The following CACUL1 variants were observed in gnomAD, a reference collection of about 807,000 sequenced individuals.
CACUL1 encodes the protein CDK2 associated cullin domain 1, also known as CDK2-associated and cullin domain-containing protein 1.
In CACUL1, 13 loss-of-function variants were observed where a neutral mutation model predicts 45.2. The observed-to-expected ratio is 0.29, with a 90% CI of 0.19 to 0.46. The LOEUF (loss-of-function observed/expected upper bound fraction) is 0.46, where lower values mean the gene tolerates loss of function less well. Ranked by LOEUF, CACUL1 falls within the 20% of genes least tolerant of loss-of-function variation. The pLI is 1.00. For missense variants in CACUL1, 421 were observed against 471.4 expected (o/e 0.89, Z 0.99); for synonymous variants, 197 against 174.2 (o/e 1.13, Z -1.03).
intron 4 of CACUL1, among the ~76,000 whole-genome samples, chr10:118,706,373 G>A (rs891176070): frequency 6.6e-6 from 1 of 152,136 alleles, no homozygotes; most frequent in Non-Finnish European, 1.5e-5. Context: ...GCAAGAATAA[G>A]GAGTCGGCTC....
At chr10:118,718,530 A>G (rs1845568674) in intron 3 of CACUL1, among the ~76,000 whole-genome samples, 1 of 152,236 alleles carries the variant, frequency 6.6e-6, no homozygotes, top group Admixed American at 6.5e-5. Flanking sequence ...CACAGGAGCT[A>G]GACAAACACC....
chr10:118,725,505 A>G (rs1273668549), intron 3 of CACUL1, among the ~76,000 whole-genome samples: 1 of 152,154 alleles, frequency 6.6e-6, no homozygotes, highest in African/African-American at 2.4e-5. Flanking sequence ...TAAGGACGAG[A>G]AAAGAGCCTG....
At chr10:118,740,283 T>C (rs1033885312) in intron 1 of CACUL1, among the ~76,000 whole-genome samples, 7 of 152,206 alleles carry the variant, frequency 4.6e-5, no homozygotes, top group Admixed American at 2.6e-4. Context: ...AATATTTACA[T>C]AGCTATAATG....
chr10:118,702,813 C>T (rs1276935919), intron 4 of CACUL1, among the ~76,000 whole-genome samples: 1 of 152,096 alleles, frequency 6.6e-6, no homozygotes, highest in African/African-American at 2.4e-5. Context: ...AACTCCTGAC[C>T]TCAGGTGATC....
At chr10:118,725,877 T>C (rs950309482) in intron 3 of CACUL1, among the ~76,000 whole-genome samples, 10 of 152,256 alleles carry the variant, frequency 6.6e-5, no homozygotes, top group African/African-American at 2.4e-4. Context: ...CATTATTTTA[T>C]ATACTCTTCA....
chr10:118,754,517 C>T lies in CACUL1; in HGVS notation c.246G>A (p.Pro82=), dbSNP rs764380086. Residue 82 remains proline, a synonymous_variant, in exon 1 of 9, where the codon CCG becomes CCA. Coordinates refer to ENST00000369151, the MANE Select transcript of CACUL1 (RefSeq NM_153810.5). The part of the protein sequence containing the change: ...EGLPMGPQPP[P]EANGVIMMLK... ...ACATCATGATCACCCCATTAGCCTC[C>T]GGCGGTGGCTGCGGCCCCATCGGGA... is the stretch of plus-strand genomic sequence containing the variant. The T allele has an allele frequency of 1.9e-6, 3 of 1,613,084 alleles. No individual in the cohort carries two copies. Among genetic ancestry groups the T allele is most frequent in the Admixed American group, 3.3e-5 (2 of 59,962 alleles).
chr10:118,745,673 A>G (rs1845836866), intron 1 of CACUL1, among the ~76,000 whole-genome samples: 1 of 152,244 alleles, frequency 6.6e-6, no homozygotes, highest in African/African-American at 2.4e-5. Context: ...TGGTAACTAC[A>G]TTAAACACAA....
intron 5 of CACUL1, among the ~76,000 whole-genome samples, chr10:118,697,368 C>G (rs1845333222): frequency 6.6e-6 from 1 of 152,198 alleles, no homozygotes; most frequent in South Asian, 2.1e-4. Context: ...ATTCTGTACT[C>G]TACTTCACCA....
chr10:118,735,697 A>ATAT (rs1845734228), intron 1 of CACUL1, among the ~76,000 whole-genome samples: 1 of 152,216 alleles, frequency 6.6e-6, no homozygotes, highest in African/African-American at 2.4e-5. Context: ...ACAAAATGTT[A>ATAT]AAAAGGTAGC....
At chr10:118,692,826 C>T (rs914982194) in intron 6 of CACUL1, 21 of 152,188 alleles carry the variant, frequency 1.4e-4, no homozygotes, top group Admixed American at 1.2e-3. Flanking sequence ...GTTAATAAAA[C>T]GTCTAACAGG....
chr10:118,736,260 T>C (rs73423977), intron 1 of CACUL1, among the ~76,000 whole-genome samples: 22,254 of 151,780 alleles, frequency 0.15, 2,002 homozygotes, highest in African/African-American at 0.25. Flanking sequence ...GAAAATATTT[T>C]TGTATAGTTG....
chr10:118,720,915 G>GA (rs1378753759), intron 3 of CACUL1, among the ~76,000 whole-genome samples: 1 of 151,738 alleles, frequency 6.6e-6, no homozygotes, highest in African/African-American at 2.4e-5. Flanking sequence ...TAGTAGAGAG[G>GA]AAAAAAATAG....
intron 4 of CACUL1, among the ~76,000 whole-genome samples, chr10:118,706,717 A>G (rs1483645779): frequency 1.3e-5 from 2 of 152,256 alleles, no homozygotes; most frequent in Admixed American, 1.3e-4. Flanking sequence ...AATTGTTGTC[A>G]GTAACCAAGA....
rs1462363185 is a variant in CACUL1, at chr10:118,691,344, C to A, written c.946G>T (p.Ala316Ser). 1 of 1,612,398 alleles carries A rather than the reference C, an allele frequency of 6.2e-7. No individual in the cohort carries two copies. The highest frequency in any genetic ancestry group is 1.3e-5 in the African/African-American group (1 of 74,842). ...SKFIPNILPP[A>S]VESELSEYAA... ...TATTCAGAAAGTTCAGATTCCACCG[C>A]CGGAGGGAGAATGTTTGGAATAAAT... is the stretch of plus-strand genomic sequence containing the variant. The change falls in exon 7 of 9, where the codon GCG (alanine) becomes TCG (serine). Residue 316 changes from alanine to serine, a missense_variant. Coordinates refer to ENST00000369151, the MANE Select transcript of CACUL1 (RefSeq NM_153810.5).
At chr10:118,721,456 CTAA>C (rs1304489373) in intron 3 of CACUL1, among the ~76,000 whole-genome samples, 1 of 150,912 alleles carries the variant, frequency 6.6e-6, no homozygotes, top group Admixed American at 6.6e-5. Context: ...CAACATCACT[CTAA>C]TTTTATTAAA....
intron 6 of CACUL1, 147 bp downstream of exon 6, chr10:118,694,994 T>C: frequency 7.1e-6 from 4 of 562,050 alleles, no homozygotes; most frequent in South Asian, 6.5e-5. Flanking sequence ...TGAGTTTACA[T>C]TTCACAATGA....
intron 1 of CACUL1, among the ~76,000 whole-genome samples, chr10:118,739,064 C>G (rs936323486): frequency 1.3e-5 from 2 of 151,596 alleles, no homozygotes; most frequent in Non-Finnish European, 2.9e-5. Context: ...GGCATGGTGG[C>G]GGGCACCTGT....
intron 4 of CACUL1, 55 bp downstream of exon 4, chr10:118,707,437 G>C: frequency 2.5e-6 from 2 of 800,950 alleles, no homozygotes; most frequent in Non-Finnish European, 4.2e-6. Flanking sequence ...GCATCTATTT[G>C]TGCTCTCAAC....
intron 3 of CACUL1, among the ~76,000 whole-genome samples, chr10:118,717,547 GTTTCT>G (rs1196475663): frequency 6.6e-6 from 1 of 152,048 alleles, no homozygotes; most frequent in Non-Finnish European, 1.5e-5. Flanking sequence ...GACACCTAAG[GTTTCT>G]TTAACTTACA....
Sources: gnomAD v4.1 joint callset for allele counts (sites outside exome capture counted in the v4.1 genomes callset) on GRCh38, gnomAD v4.1.1 for gene constraint, MANE v1.5 for transcripts, NCBI Gene and HGNC (gene_info 2026-07-23, HGNC 2026-07-21) for gene names.